Variants in SCN3A observed in about 807,000 individuals in gnomAD.
SCN3A encodes sodium voltage-gated channel alpha subunit 3.
A neutral mutation model predicts 187.6 loss-of-function variants in SCN3A; 60 were observed. The observed-to-expected ratio is 0.32, with a 90% CI of 0.26 to 0.40. The LOEUF (loss-of-function observed/expected upper bound fraction) is 0.40. SCN3A is among the 10% of genes least tolerant of loss of function. The pLI is 1.00. For missense variants in SCN3A, 1,601 were observed against 2,428.2 expected (o/e 0.66, Z 7.16); for synonymous variants, 788 against 829.2 (o/e 0.95, Z 0.85).
chr2:165,131,486 A>G, intron 15 of SCN3A, 69 bp from the exon 16 acceptor site: 1 of 1,079,478 alleles, frequency 9.3e-7, no homozygotes, highest in Non-Finnish European at 1.3e-6. Flanking sequence ...ATTTATAAAG[A>G]AGAACATTAA....
rs564358677 is a variant in SCN3A at position 165,107,294 on chromosome 2, C to T, written c.3843+5591G>A. Among the ~76,000 whole-genome samples, 383 of 152,130 alleles carry T rather than the reference C, an allele frequency of 2.5e-3. 2 individuals are homozygous for T. Among genetic ancestry groups the T allele is most frequent in the African/African-American group, 8.4e-3 (348 of 41,508 alleles). ...GTAGGATTATCTTTTTAAACCTTGC[C>T]TGTGAGAAATTTTTCTTATTAATTA... On this transcript the variant is annotated intron_variant, in intron 21 of 27. Transcript: ENST00000283254.
chr2:165,202,437 A>G (rs576909342), intron 1 of SCN3A, among the ~76,000 whole-genome samples: 1 of 152,168 alleles, frequency 6.6e-6, no homozygotes, highest in South Asian at 2.1e-4. Context: ...GGTGTGTACA[A>G]TACACTCAAG....
intron 18 of SCN3A, chr2:165,119,711 T>G (rs898365566): frequency 6.6e-6 from 1 of 152,162 alleles, no homozygotes; most frequent in South Asian, 2.1e-4. Context: ...TATAACTGAT[T>G]TAAAAGCAAG....
chr2:165,157,735 A>G (rs1241107525), intron 9 of SCN3A, among the ~76,000 whole-genome samples: 1 of 152,178 alleles, frequency 6.6e-6, no homozygotes, highest in Non-Finnish European at 1.5e-5. Flanking sequence ...TTGTCCATTC[A>G]TATTTTATTT....
At chr2:165,185,372 G>GGCATATACC in intron 2 of SCN3A, among the ~76,000 whole-genome samples, 1 of 152,262 alleles carries the variant, frequency 6.6e-6, no homozygotes, top group South Asian at 2.1e-4. Context: ...GCCCATCTTT[G>GGCATATACC]TTTAAGGACC....
chr2:165,139,088 G>T (rs146023997), intron 14 of SCN3A, among the ~76,000 whole-genome samples: 5 of 152,040 alleles, frequency 3.3e-5, no homozygotes, highest in African/African-American at 9.7e-5. Context: ...AAGTGCTCCC[G>T]CAACCCCATC....
intron 18 of SCN3A, among the ~76,000 whole-genome samples, chr2:165,119,962 T>C (rs553781425): frequency 6.6e-6 from 1 of 152,334 alleles, no homozygotes; most frequent in African/African-American, 2.4e-5. Flanking sequence ...AAACTTGTTT[T>C]CTTGTACTAT....
chr2:165,116,077 A>C (rs1429550537), intron 18 of SCN3A, among the ~76,000 whole-genome samples: 1 of 150,326 alleles, frequency 6.7e-6, no homozygotes, highest in Non-Finnish European at 1.5e-5. Context: ...AGAAAGAAAG[A>C]GCAGCACATT....
At chr2:165,156,054 G>C (rs748571304) in intron 9 of SCN3A, 151 bp from the exon 10 acceptor site, 2 of 855,406 alleles carry the variant, frequency 2.3e-6, no homozygotes, top group African/African-American at 3.4e-5. Context: ...ATTGCCCACC[G>C]TGAAACTTAT....
Position 165,092,687 on chromosome 2 carries a change from A to G in SCN3A, c.4537-163T>C. The G allele has an allele frequency of 2.9e-6, 2 of 678,652 alleles. No individual in the cohort carries two copies. Among genetic ancestry groups the G allele is most frequent in the Middle Eastern group, 3.9e-4 (1 of 2,538 alleles). The allele number at this position is 678,652 out of a possible 1,614,324, so 42.0% of individuals were successfully genotyped here. On this transcript the variant is annotated intron_variant, in intron 26 of 27. Transcript: ENST00000283254. The surrounding 1 kb of genome is among the most constrained non-coding windows in gnomAD (Gnocchi z 4.2). ...TTTTTTTCTCTTCATGTTAAAAAAA[A>G]TGGAAAAAAAATTTATATAGCTAAA... is the stretch of plus-strand genomic sequence containing the variant.
chr2:165,179,489 G>A (rs1690698943), intron 2 of SCN3A: 1 of 152,302 alleles, frequency 6.6e-6, no homozygotes, highest in South Asian at 2.1e-4. Context: ...TATCTGAGAT[G>A]ATATGGAACA....
At chr2:165,144,500 T>C (rs1227220053) in intron 12 of SCN3A, among the ~76,000 whole-genome samples, 5 of 152,148 alleles carry the variant, frequency 3.3e-5, no homozygotes, top group African/African-American at 1.2e-4. Flanking sequence ...AGTTGCTTCT[T>C]AAGCACTCCA....
At chr2:165,116,941 C>CG (rs1204491381) in intron 18 of SCN3A, among the ~76,000 whole-genome samples, 6 of 96,482 alleles carry the variant, frequency 6.2e-5, no homozygotes, top group African/African-American at 2.6e-4. Flanking sequence ...CATGATAGCA[C>CG]AATTTTTTTT....
chr2:165,177,313 AGC>A (rs1690531937), intron 2 of SCN3A, among the ~76,000 whole-genome samples: 1 of 152,124 alleles, frequency 6.6e-6, no homozygotes, highest in African/African-American at 2.4e-5. Flanking sequence ...GCCGCTTATG[AGC>A]TGTGTGATTG....
rs1687068422 is a variant in SCN3A, at chr2:165,127,613, A to C, written c.3393+18T>G. The C allele has an allele frequency of 6.2e-7, 1 of 1,602,288 alleles. No homozygotes were observed. The highest frequency in any genetic ancestry group is 8.5e-7 in the Non-Finnish European group (1 of 1,170,866). On this transcript the variant is annotated intron_variant, in intron 18 of 27. Transcript: ENST00000283254. ...GTTATCATAGGAAATGGAACAAAAA[A>C]TTTAAAAGCATTCTTACCTCTTTGC...
intron 15 of SCN3A, among the ~76,000 whole-genome samples, chr2:165,136,139 A>G (rs1424334214): frequency 6.6e-6 from 1 of 152,168 alleles, no homozygotes; most frequent in Non-Finnish European, 1.5e-5. Context: ...CACTTTGACT[A>G]GGACCTAGAT....
At chr2:165,200,968 C>A (rs1692281691) in intron 1 of SCN3A, among the ~76,000 whole-genome samples, 1 of 152,080 alleles carries the variant, frequency 6.6e-6, no homozygotes, top group African/African-American at 2.4e-5. Context: ...GATCACATAG[C>A]AAAGACTTTC....
At chr2:165,202,525 A>G (rs1483249005) in intron 1 of SCN3A, among the ~76,000 whole-genome samples, 2 of 152,062 alleles carry the variant, frequency 1.3e-5, no homozygotes, top group Non-Finnish European at 2.9e-5. Flanking sequence ...TTCTTCTGAA[A>G]TAGACAAGAC....
rs746835478 is a variant in SCN3A at position 165,092,312 on chromosome 2, G to A, written c.4749C>T (p.Tyr1583=). 1 of 1,614,006 alleles carries A rather than the reference G, an allele frequency of 6.2e-7. No individual in the cohort carries two copies. ...AGATGTTCCAGCCTATAGTGAAGTA[G>A]TAGTGTCTGAGGGAGACGAGCTTCA... ...FVLKLVSLRH[Y]YFTIGWNIFD... is the part of the protein sequence containing the mutation. Residue 1583 remains tyrosine, a synonymous_variant, in exon 27 of 28, where the codon TAC becomes TAT. Coordinates refer to ENST00000283254, the MANE Select transcript of SCN3A (RefSeq NM_006922.4). This position sits in a 1 kb window ranked among gnomAD's most constrained non-coding sequence, Gnocchi z 4.2.
Sources: allele counts gnomAD v4.1 joint callset (sites outside exome capture counted in the v4.1 genomes callset), GRCh38; gene constraint gnomAD v4.1.1; non-coding constraint Gnocchi (gnomAD v3.1); transcripts MANE v1.5; gene names NCBI Gene and HGNC (gene_info 2026-07-23, HGNC 2026-07-21).